Variants in CNMD observed in about 807,000 individuals in gnomAD.
The protein encoded by CNMD is leukocyte cell-derived chemotaxin 1.
In CNMD, 30 loss-of-function variants were observed where a neutral mutation model predicts 37.5. That is an observed-to-expected ratio of 0.80 (90% CI 0.60 to 1.09). The LOEUF (loss-of-function observed/expected upper bound fraction) is 1.09. Ranked by LOEUF, CNMD falls within the 50% of genes least tolerant of loss-of-function variation. The pLI is 0.00. For missense variants in CNMD, 398 were observed against 423.9 expected (o/e 0.94, Z 0.54); for synonymous variants, 167 against 148.2 (o/e 1.13, Z -0.92).
chr13:52,723,848 G>A, intron 4 of CNMD, 149 bp downstream of exon 4: 1 of 607,482 alleles, frequency 1.6e-6, no homozygotes, highest in East Asian at 2.7e-5. Context: ...AGAATCGGAT[G>A]CAGTGAGCCA....
At chr13:52,708,781 A>T in intron 5 of CNMD, 79 bp from the exon 6 acceptor site, 1 of 1,220,298 alleles carries the variant, frequency 8.2e-7, no homozygotes, top group Non-Finnish European at 1.1e-6. Flanking sequence ...GGTGAAAAAC[A>T]TAAGAAAAGG....
chr13:52,718,192 C>T (rs908735278), intron 4 of CNMD, among the ~76,000 whole-genome samples: 4 of 152,028 alleles, frequency 2.6e-5, no homozygotes, highest in African/African-American at 7.3e-5. Flanking sequence ...GGTGATATCC[C>T]CCTTATCATT....
intron 6 of CNMD, among the ~76,000 whole-genome samples, chr13:52,704,247 T>G (rs765836037): frequency 1.3e-5 from 2 of 152,210 alleles, no homozygotes; most frequent in African/African-American, 2.4e-5. Context: ...TAGAAGCACT[T>G]TTTGAAACTC....
intron 2 of CNMD, among the ~76,000 whole-genome samples, chr13:52,734,062 C>G (rs1408106012): frequency 6.6e-6 from 1 of 152,158 alleles, no homozygotes; most frequent in Non-Finnish European, 1.5e-5. Context: ...GCCCATGGTG[C>G]TGTAGGGCAT....
chr13:52,729,230 C>G (rs1220238781), intron 3 of CNMD, among the ~76,000 whole-genome samples: 2 of 152,196 alleles, frequency 1.3e-5, no homozygotes, highest in East Asian at 3.9e-4. Context: ...TTTCTTGTCA[C>G]AAAGATTGGG....
At chr13:52,716,281 T>C (rs1440295384) in intron 4 of CNMD, among the ~76,000 whole-genome samples, 1 of 152,242 alleles carries the variant, frequency 6.6e-6, no homozygotes, top group Admixed American at 6.5e-5. Flanking sequence ...AAAAATTTGT[T>C]CTCCCATTCT....
chr13:52,708,813 C>T, intron 5 of CNMD, 111 bp from the exon 6 acceptor site: 2 of 870,542 alleles, frequency 2.3e-6, no homozygotes, highest in East Asian at 5.2e-5. Flanking sequence ...TGTGCATAAC[C>T]AGATGGCTTA....
chr13:52,712,994 G>A (rs1025924443), intron 4 of CNMD, 125 bp from the exon 5 acceptor site: 2 of 618,266 alleles, frequency 3.2e-6, no homozygotes, highest in African/African-American at 1.9e-5. Context: ...GCATGCGTGT[G>A]TACATGTGTG....
At chr13:52,715,266 T>A (rs1399563029) in intron 4 of CNMD, among the ~76,000 whole-genome samples, 3 of 152,172 alleles carry the variant, frequency 2.0e-5, no homozygotes, top group Non-Finnish European at 2.9e-5. Context: ...CTAATTTTTG[T>A]ACCCATTACC....
Position 52,733,320 on chromosome 13 carries a change from A to T in CNMD, c.253T>A (p.Leu85Ile). 6.2e-7 allele frequency: 1 copy of T among 1,613,814 alleles called. No individual in the cohort carries two copies. The highest frequency in any genetic ancestry group is 1.6e-4 in the Middle Eastern group (1 of 6,062). The change falls in exon 3 of 7, where the codon TTA (leucine) becomes ATA (isoleucine). Residue 85 changes from leucine (L) to isoleucine (I), a missense_variant. Transcript: ENST00000377962. ...VHYTMSINGKLQDGSMEIDAG... is the reference protein window; with the variant it reads ...VHYTMSINGKIQDGSMEIDAG... ...TCTATTTCCATTGACCCATCTTGTA[A>T]TTTCCCATTGATACTCATGGTGTAA...
rs530753741 is a variant in CNMD, at chr13:52,703,960, A to G, written c.790-150T>C. On this transcript the variant is annotated intron_variant, in intron 6 of 6. Transcript: ENST00000377962. Reference sequence around the variant, plus strand: ...GATCTTGTTTACCCTGTCATTCATAATTCATGTTCACTGCTGTCATTCATA... The same window carrying G: ...GATCTTGTTTACCCTGTCATTCATAGTTCATGTTCACTGCTGTCATTCATA... 3.0e-5 allele frequency: 19 copies of G among 628,300 alleles called. No individual in the cohort carries two copies. In the East Asian group the frequency reaches 4.2e-4, roughly 14 times the overall value. The allele number at this position is 628,300 out of a possible 1,614,324, so 38.9% of individuals were successfully genotyped here.
At chr13:52,730,388 T>G (rs1370859374) in intron 3 of CNMD, among the ~76,000 whole-genome samples, 19 of 151,922 alleles carry the variant, frequency 1.3e-4, no homozygotes, top group African/African-American at 2.2e-4. Context: ...GATCCCTGAG[T>G]AATCGCCACA....
intron 6 of CNMD, among the ~76,000 whole-genome samples, chr13:52,704,536 G>A (rs1174574187): frequency 1.3e-5 from 2 of 152,048 alleles, no homozygotes; most frequent in African/African-American, 4.8e-5. Flanking sequence ...GAACTGGAAG[G>A]AACTCCCATC....
intron 3 of CNMD, among the ~76,000 whole-genome samples, chr13:52,730,077 C>G (rs957915797): frequency 3.3e-5 from 5 of 150,972 alleles, no homozygotes; most frequent in African/African-American, 9.7e-5. Context: ...GCGGTGTTTG[C>G]TTTTTTGTCC....
At chr13:52,728,528 C>CA (rs1964612904) in intron 3 of CNMD, among the ~76,000 whole-genome samples, 1 of 152,158 alleles carries the variant, frequency 6.6e-6, no homozygotes, top group Admixed American at 6.5e-5. Flanking sequence ...GAGGAATACA[C>CA]GTGGAGAATA....
chr13:52,737,009 A>C (rs989322142), intron 2 of CNMD, among the ~76,000 whole-genome samples: 4 of 152,252 alleles, frequency 2.6e-5, no homozygotes, highest in Non-Finnish European at 5.9e-5. Context: ...AATTTCAGTA[A>C]ACCTGTCCTA....
intron 2 of CNMD, among the ~76,000 whole-genome samples, chr13:52,735,294 G>C (rs1964737889): frequency 6.6e-6 from 1 of 152,198 alleles, no homozygotes; most frequent in Admixed American, 6.5e-5. Flanking sequence ...ATATGGGTCA[G>C]TGATGACTGT....
Position 52,715,880 on chromosome 13 carries a change from C to A in CNMD, c.469-3011G>T, listed in dbSNP as rs143207382. 2.0e-3 allele frequency among the ~76,000 whole-genome samples: 308 copies of A among 152,266 alleles called. 1 individual carries two copies. The highest frequency in any genetic ancestry group is 1.9e-3 in the Non-Finnish European group (128 of 68,032). The stretch of plus-strand genomic sequence containing the variant: ...AGGTATATACCCAGTGATGGGATTG[C>A]TGGGTCAAATGATATTTCTGGTTCT... On this transcript the variant is annotated intron_variant, in intron 4 of 6. Transcript: ENST00000377962.
In CNMD at chr13:52,703,719, T is replaced by G. The variant is rs143162260; in HGVS notation, c.881A>C (p.Gln294Pro). ...GCCCCCCAGGGGTTCACAGATCTTC[T>G]GGCAGTGGGTGTAGCTCCGCCTACA... ...IECRRSYTHC[Q>P]KICEPLGGYY... The change falls in exon 7 of 7, where the codon CAG becomes CCG. Residue 294 changes from glutamine (Q) to proline (P), a missense_variant. Gln to Pro is a moderately conservative substitution (Grantham distance 76). Coordinates refer to ENST00000377962, the MANE Select transcript of CNMD (RefSeq NM_007015.3). 1,760 of 1,613,524 alleles carry G rather than the reference T, an allele frequency of 1.1e-3. 1 individual carries two copies. The highest frequency in any genetic ancestry group is 1.4e-3 in the Non-Finnish European group (1,677 of 1,179,374).
Sources: gnomAD v4.1 joint callset for allele counts (sites outside exome capture counted in the v4.1 genomes callset) on GRCh38, gnomAD v4.1.1 for gene constraint, MANE v1.5 for transcripts, NCBI Gene and HGNC (gene_info 2026-07-23, HGNC 2026-07-21) for gene names.